RBMS3: variants seen among roughly 807,000 people sequenced by gnomAD.
RBMS3 encodes the protein RNA-binding motif, single-stranded-interacting protein 3.
In RBMS3, 27 loss-of-function variants were observed where a neutral mutation model predicts 66.8. The observed-to-expected ratio is 0.40, with a 90% CI of 0.30 to 0.56. The LOEUF (loss-of-function observed/expected upper bound fraction) is 0.56. RBMS3 is among the 20% of genes least tolerant of loss of function. The pLI is 0.40. For synonymous variants in RBMS3, 188 were observed against 183.0 expected (o/e 1.03, Z -0.22); for missense variants, 513 against 549.5 (o/e 0.93, Z 0.66).
chr3:29,684,920 G>C (rs1265365312), intron 4 of RBMS3, among the ~76,000 whole-genome samples: 2 of 151,740 alleles, frequency 1.3e-5, no homozygotes, highest in African/African-American at 2.4e-5. Context: ...ATTCTGTTTG[G>C]TTTATGTTGC....
chr3:29,941,157 C>A (rs2061384837), intron 11 of RBMS3, among the ~76,000 whole-genome samples: 1 of 151,900 alleles, frequency 6.6e-6, no homozygotes, highest in South Asian at 2.1e-4. Flanking sequence ...TTTGTGATAT[C>A]ATCGATTTCC....
chr3:29,399,206 CAT>C (rs1038402633), intron 1 of RBMS3, among the ~76,000 whole-genome samples: 8 of 147,060 alleles, frequency 5.4e-5, no homozygotes, highest in Admixed American at 2.7e-4. Flanking sequence ...TATGGCCCCA[CAT>C]GTGTGTGTGT....
intron 14 of RBMS3, among the ~76,000 whole-genome samples, chr3:30,001,065 A>G (rs753703300): frequency 3.9e-5 from 6 of 152,048 alleles, no homozygotes; most frequent in Non-Finnish European, 8.8e-5. Flanking sequence ...AAATTAAATT[A>G]TTAAAGAAGT....
intron 2 of RBMS3, among the ~76,000 whole-genome samples, chr3:29,470,927 CT>C (rs1428679735): frequency 6.6e-6 from 1 of 152,112 alleles, no homozygotes; most frequent in African/African-American, 2.4e-5. Context: ...GCATTAGTTA[CT>C]GCTTACTTAA....
At chr3:29,509,266 C>G (rs150702516) in intron 3 of RBMS3, among the ~76,000 whole-genome samples, 1 of 152,194 alleles carries the variant, frequency 6.6e-6, no homozygotes, top group African/African-American at 2.4e-5. Flanking sequence ...ACCAACCATA[C>G]CTAATTATTT....
rs76158899 is a variant in RBMS3, at chr3:29,915,735, A to C, written c.939+15980A>C. On this transcript the variant is annotated intron_variant, in intron 10 of 14. Transcript: ENST00000383767. ...GTGATACAAAAGGATTAAACATTTC[A>C]AATATAAACCTTTAATCTGTGCTAT... Among the ~76,000 whole-genome samples the C allele has an allele frequency of 2.6e-3, 399 of 152,110 alleles. 1 individual carries two copies. Among genetic ancestry groups the C allele is most frequent in the African/African-American group, 9.1e-3 (379 of 41,554 alleles).
chr3:29,473,843 G>C (rs751042438), intron 2 of RBMS3, among the ~76,000 whole-genome samples: 1 of 152,226 alleles, frequency 6.6e-6, no homozygotes, highest in Non-Finnish European at 1.5e-5. Flanking sequence ...CAGCTGTCCC[G>C]CAAGCGCCGC....
chr3:29,865,902 A>T (rs1044030618), intron 6 of RBMS3, among the ~76,000 whole-genome samples: 6 of 152,078 alleles, frequency 3.9e-5, no homozygotes, highest in African/African-American at 1.4e-4. Context: ...TATTGTTACA[A>T]CTGCAGGTGT....
At chr3:29,346,831 A>G (rs2036606030) in intron 1 of RBMS3, among the ~76,000 whole-genome samples, 1 of 152,332 alleles carries the variant, frequency 6.6e-6, no homozygotes, top group South Asian at 2.1e-4. Flanking sequence ...CTTAGTTTCT[A>G]TAAAAGCAAA....
At chr3:29,670,479 G>T (rs1051809106) in intron 4 of RBMS3, among the ~76,000 whole-genome samples, 5 of 152,148 alleles carry the variant, frequency 3.3e-5, no homozygotes, top group Non-Finnish European at 7.3e-5. Context: ...ATCACAAGGG[G>T]TCAGGGAATT....
intron 3 of RBMS3, among the ~76,000 whole-genome samples, chr3:29,572,101 T>A (rs755865485): frequency 6.6e-6 from 1 of 152,278 alleles, no homozygotes; most frequent in South Asian, 2.1e-4. Context: ...ATAGAAATGC[T>A]ACTAATTTTC....
chr3:29,823,088 T>TA (rs2058113232), intron 6 of RBMS3, among the ~76,000 whole-genome samples: 1 of 152,148 alleles, frequency 6.6e-6, no homozygotes, highest in Non-Finnish European at 1.5e-5. Context: ...CAGCTTAACT[T>TA]TAAAAATTAC....
intron 3 of RBMS3, among the ~76,000 whole-genome samples, chr3:29,566,634 C>CAA (rs11445860): frequency 0.034 from 4,124 of 119,826 alleles, 101 homozygotes; most frequent in Middle Eastern, 0.1. Context: ...AAGCAAAATG[C>CAA]AAAAAAAAAA....
At chr3:29,321,757 A>G (rs1253495232) in intron 1 of RBMS3, among the ~76,000 whole-genome samples, 5 of 152,130 alleles carry the variant, frequency 3.3e-5, no homozygotes, top group Non-Finnish European at 5.9e-5. Flanking sequence ...CAATTTGTAC[A>G]TCTGTGAAGG....
intron 2 of RBMS3, among the ~76,000 whole-genome samples, chr3:29,457,206 T>C (rs1197326027): frequency 6.6e-6 from 1 of 152,208 alleles, no homozygotes; most frequent in Non-Finnish European, 1.5e-5. Flanking sequence ...CGTCCTAACA[T>C]GTCTATCTTC....
chr3:29,983,352 G>A (rs776714141), intron 12 of RBMS3, among the ~76,000 whole-genome samples: 1 of 151,818 alleles, frequency 6.6e-6, no homozygotes, highest in Non-Finnish European at 1.5e-5. Flanking sequence ...ACACCAATGG[G>A]TCTTACTCTT....
intron 3 of RBMS3, among the ~76,000 whole-genome samples, chr3:29,555,738 C>T (rs1431305235): frequency 6.6e-6 from 1 of 152,172 alleles, no homozygotes; most frequent in Non-Finnish European, 1.5e-5. Flanking sequence ...GTCTCCTGCT[C>T]CTCCCATCTG....
chr3:29,357,243 C>T (rs74408260), intron 1 of RBMS3, among the ~76,000 whole-genome samples: 8,022 of 152,056 alleles, frequency 0.053, 311 homozygotes, highest in African/African-American at 0.097. Flanking sequence ...GTTCCCCTTC[C>T]GGTGTTCAAG....
At chr3:29,925,257 G>A (rs1577163160) in intron 10 of RBMS3, 2 of 152,210 alleles carry the variant, frequency 1.3e-5, no homozygotes, top group South Asian at 4.2e-4. Flanking sequence ...TGTATATTGA[G>A]CTAACCAAAA....
Sources: gnomAD v4.1 joint callset for allele counts (sites outside exome capture counted in the v4.1 genomes callset) on GRCh38, gnomAD v4.1.1 for gene constraint, MANE v1.5 for transcripts, NCBI Gene and HGNC (gene_info 2026-07-23, HGNC 2026-07-21) for gene names.